Variants in DNAH11 observed in about 807,000 individuals in gnomAD.
The protein encoded by DNAH11 is axonemal beta dynein heavy chain 11.
Under a neutral mutation model 526.0 loss-of-function variants are expected in DNAH11, and 442 were observed. The observed-to-expected ratio is 0.84, with a 90% CI of 0.78 to 0.91. The LOEUF (loss-of-function observed/expected upper bound fraction) is 0.91. Ranked by LOEUF, DNAH11 falls within the 40% of genes least tolerant of loss-of-function variation. DNAH11 has a pLI of 0.00. For missense variants in DNAH11, 6,989 were observed against 5,448.7 expected, an observed-to-expected ratio of 1.28 and a Z score of -8.90; for synonymous variants, 2,461 against 1,935.9, an observed-to-expected ratio of 1.27 and a Z score of -7.12.
At position 21,756,337 on chromosome 7, in the gene DNAH11, A is replaced by G. The variant is rs186789859; in HGVS notation, c.8940+5973A>G. Among the ~76,000 whole-genome samples, 23 of 152,210 alleles carry G rather than the reference A, an allele frequency of 1.5e-4. 1 individual carries two copies. The highest frequency in any genetic ancestry group is 2.6e-4 in the Non-Finnish European group (18 of 67,966). ...TCTCATATATTAAATGCCTAAATAT[A>G]TAAGATTCTATTTGGGGCTGTCTGT... On this transcript the variant is annotated intron_variant, in intron 54 of 81. Transcript: ENST00000409508.
intron 66 of DNAH11, among the ~76,000 whole-genome samples, chr7:21,845,300 C>T (rs1014390523): frequency 1.3e-5 from 2 of 151,922 alleles, no homozygotes; most frequent in Non-Finnish European, 2.9e-5. Flanking sequence ...ACTGACAGTT[C>T]GTGAAGATTT....
chr7:21,610,290 G>A (rs1243026515), intron 20 of DNAH11, among the ~76,000 whole-genome samples: 4 of 152,070 alleles, frequency 2.6e-5, no homozygotes, highest in African/African-American at 9.7e-5. Context: ...GATACTCTGG[G>A]AGTTTGTAAA....
chr7:21,775,938 G>A (rs926643588), intron 56 of DNAH11, among the ~76,000 whole-genome samples: 1 of 152,132 alleles, frequency 6.6e-6, no homozygotes, highest in Non-Finnish European at 1.5e-5. Context: ...GGCATCCTTA[G>A]CAAAGAGATA....
Position 21,591,534 on chromosome 7 carries a change from A to G in DNAH11, c.2624A>G (p.Lys875Arg). The change falls in exon 14 of 82, where the codon AAG (lysine) becomes AGG (arginine). Residue 875 changes from lysine to arginine, a missense_variant. Coordinates refer to ENST00000409508, the MANE Select transcript of DNAH11 (RefSeq NM_001277115.2). ...GGTGATTTGTTTACAAAAAAATACA[A>G]GTTAATCCAAGGAGATGGCTGCAAG... is the stretch of plus-strand genomic sequence containing the variant. ...DKGDLFTKKY[K>R]LIQGDGCKIH... The G allele has an allele frequency of 6.3e-7, 1 of 1,593,486 alleles. No homozygotes were observed. The highest frequency in any genetic ancestry group is 2.2e-5 in the East Asian group (1 of 44,504).
chr7:21,592,286 G>T (rs1784716542), intron 14 of DNAH11, among the ~76,000 whole-genome samples: 1 of 152,184 alleles, frequency 6.6e-6, no homozygotes, highest in African/African-American at 2.4e-5. Flanking sequence ...CGGGTAGGGT[G>T]GTTGGGCAGG....
chr7:21,808,409 C>T (rs1314660985), intron 63 of DNAH11, among the ~76,000 whole-genome samples: 1 of 152,128 alleles, frequency 6.6e-6, no homozygotes, highest in Non-Finnish European at 1.5e-5. Flanking sequence ...TTCTTCCTTT[C>T]TAGCTGTTTG....
At chr7:21,706,344 T>G (rs1463556617) in intron 39 of DNAH11, among the ~76,000 whole-genome samples, 1 of 152,134 alleles carries the variant, frequency 6.6e-6, no homozygotes, top group Non-Finnish European at 1.5e-5. Context: ...ATAAACATAC[T>G]TGGTAGCCAG....
Position 21,570,314 on chromosome 7 carries a change from A to G in DNAH11, c.1425+15A>G. The G allele has an allele frequency of 6.3e-7, 1 of 1,577,950 alleles. No individual in the cohort carries two copies. The highest frequency in any genetic ancestry group is 8.6e-7 in the Non-Finnish European group (1 of 1,163,612). On this transcript the variant is annotated intron_variant, in intron 7 of 81. Transcript: ENST00000409508. ...TAAAAATAGAGGTATTCATTTTTTG[A>G]TTTTATTTATTCATGTTGAAGGTGG...
chr7:21,572,277 A>G (rs565342015), intron 8 of DNAH11, among the ~76,000 whole-genome samples: 3 of 152,202 alleles, frequency 2.0e-5, no homozygotes, highest in Non-Finnish European at 4.4e-5. Context: ...TCTGATGTCC[A>G]TGTAACTCGT....
At chr7:21,813,664 C>G (rs1789631521) in intron 63 of DNAH11, among the ~76,000 whole-genome samples, 2 of 152,270 alleles carry the variant, frequency 1.3e-5, no homozygotes, top group South Asian at 4.1e-4. Context: ...CTTGTCTTTT[C>G]TCTCTAGCAA....
intron 37 of DNAH11, 89 bp downstream of exon 37, chr7:21,702,891 C>A: frequency 8.8e-7 from 1 of 1,138,098 alleles, no homozygotes; most frequent in Non-Finnish European, 1.3e-6. Flanking sequence ...GGGGCATGGA[C>A]AGCACAACTT....
At chr7:21,611,113 C>G (rs957766904) in intron 20 of DNAH11, among the ~76,000 whole-genome samples, 2 of 152,038 alleles carry the variant, frequency 1.3e-5, no homozygotes. Context: ...ACCTGCAGTG[C>G]GGGTGGGCAT....
intron 2 of DNAH11, among the ~76,000 whole-genome samples, chr7:21,553,277 C>A (rs1783093786): frequency 6.6e-6 from 1 of 152,002 alleles, no homozygotes; most frequent in African/African-American, 2.4e-5. Flanking sequence ...ATCCCACAAT[C>A]ATGTTTTGAC....
intron 28 of DNAH11, among the ~76,000 whole-genome samples, chr7:21,644,866 T>G (rs1212115436): frequency 2.0e-5 from 3 of 152,230 alleles, no homozygotes; most frequent in Non-Finnish European, 4.4e-5. Context: ...AAATAGAGAA[T>G]CTACTTTCAG....
intron 25 of DNAH11, among the ~76,000 whole-genome samples, chr7:21,627,941 G>A (rs66968075): frequency 0.17 from 26,482 of 151,830 alleles, 2,830 homozygotes; most frequent in East Asian, 0.32. Context: ...TGTGTCTTCA[G>A]TTTTTTTCAT....
chr7:21,816,191 G>C (rs573245087), intron 63 of DNAH11, among the ~76,000 whole-genome samples: 5 of 152,208 alleles, frequency 3.3e-5, no homozygotes, highest in African/African-American at 1.2e-4. Flanking sequence ...TCTTACCTAA[G>C]TGTGGGGCAA....
intron 61 of DNAH11, among the ~76,000 whole-genome samples, chr7:21,791,032 T>C (rs1183153742): frequency 6.6e-6 from 1 of 152,128 alleles, no homozygotes; most frequent in Non-Finnish European, 1.5e-5. Context: ...TGGCCTCAGC[T>C]CAGGCAGGAG....
chr7:21,653,924 G>A (rs1781896481), intron 28 of DNAH11, among the ~76,000 whole-genome samples: 1 of 152,126 alleles, frequency 6.6e-6, no homozygotes, highest in South Asian at 2.1e-4. Context: ...GAAAATTTAG[G>A]CAGGTTGCTA....
At chr7:21,575,503 G>T (rs140658441) in intron 8 of DNAH11, among the ~76,000 whole-genome samples, 2 of 152,246 alleles carry the variant, frequency 1.3e-5, no homozygotes, top group African/African-American at 4.8e-5. Context: ...TTTATGTAGT[G>T]TTTTCTCATT....
Sources: gnomAD v4.1 joint callset for allele counts (sites outside exome capture counted in the v4.1 genomes callset) on GRCh38, gnomAD v4.1.1 for gene constraint, MANE v1.5 for transcripts, NCBI Gene and HGNC (gene_info 2026-07-23, HGNC 2026-07-21) for gene names.